Variants in LRCH1 observed in about 807,000 individuals in gnomAD.
LRCH1 encodes the protein leucine-rich repeat and calponin homology domain-containing protein 1.
A neutral mutation model predicts 94.9 loss-of-function variants in LRCH1; 23 were observed. That is an observed-to-expected ratio of 0.24 (90% CI 0.17 to 0.34). The LOEUF (loss-of-function observed/expected upper bound fraction) is 0.34, where lower values mean the gene tolerates loss of function less well. LRCH1 is among the 10% of genes least tolerant of loss of function. The pLI, the probability that LRCH1 is intolerant of heterozygous loss-of-function variation, is 1.00. For missense variants in LRCH1, 790 were observed against 945.9 expected, an observed-to-expected ratio of 0.84 and a Z score of 2.16; for synonymous variants, 364 against 354.9, an observed-to-expected ratio of 1.03 and a Z score of -0.29.
intron 1 of LRCH1, among the ~76,000 whole-genome samples, chr13:46,575,944 G>A (rs938288279): frequency 4.6e-5 from 7 of 152,190 alleles, no homozygotes; most frequent in African/African-American, 1.7e-4. Flanking sequence ...GGATTGGCAG[G>A]AGTGATATAA....
intron 2 of LRCH1, among the ~76,000 whole-genome samples, chr13:46,658,411 G>T (rs1437246532): frequency 1.3e-5 from 2 of 152,290 alleles, no homozygotes; most frequent in Non-Finnish European, 2.9e-5. Context: ...TGCAGTGGTT[G>T]TTAATCACTC....
intron 1 of LRCH1, among the ~76,000 whole-genome samples, chr13:46,560,708 T>A (rs1170102014): frequency 1.3e-5 from 2 of 152,156 alleles, no homozygotes; most frequent in African/African-American, 4.8e-5. Context: ...CCATGATATT[T>A]CAGAGAGTAA....
In LRCH1 at chr13:46,689,595, G is replaced by A. The variant is rs1035026520; in HGVS notation, c.1014+399G>A. ...TTTAGAAAAACATTGTTATACATATGCGTAAATGTTAAGGAATCAACTGTA... is the reference window on the plus strand; with the variant it reads ...TTTAGAAAAACATTGTTATACATATACGTAAATGTTAAGGAATCAACTGTA... On this transcript the variant is annotated intron_variant, in intron 7 of 19. Transcript: ENST00000389797. Among the ~76,000 whole-genome samples, 3 of 152,096 alleles carry A rather than the reference G, an allele frequency of 2.0e-5. No individual in the cohort carries two copies. In the East Asian group the frequency reaches 5.8e-4, roughly 29 times the overall value.
intron 16 of LRCH1, among the ~76,000 whole-genome samples, chr13:46,722,935 C>T (rs891431861): frequency 1.3e-5 from 2 of 152,234 alleles, no homozygotes; most frequent in African/African-American, 4.8e-5. Context: ...GGACATCTGT[C>T]AGGCAAGTGG....
intron 1 of LRCH1, among the ~76,000 whole-genome samples, chr13:46,583,658 A>G (rs982522652): frequency 6.6e-6 from 1 of 152,222 alleles, no homozygotes; most frequent in African/African-American, 2.4e-5. Context: ...CCTAGAGTAA[A>G]TGTTATCAAT....
At chr13:46,591,371 T>G (rs564736012) in intron 1 of LRCH1, among the ~76,000 whole-genome samples, 88 of 152,224 alleles carry the variant, frequency 5.8e-4, no homozygotes, top group Non-Finnish European at 1.1e-3. Flanking sequence ...TCTAATTTGT[T>G]GGAATGAAAA....
At chr13:46,707,488 C>T (rs1007251553) in intron 13 of LRCH1, among the ~76,000 whole-genome samples, 8 of 152,090 alleles carry the variant, frequency 5.3e-5, no homozygotes, top group East Asian at 1.9e-4. Flanking sequence ...TTTATTTTTT[C>T]GTTGCAACTA....
chr13:46,596,220 T>A (rs757963079), intron 1 of LRCH1, among the ~76,000 whole-genome samples: 1 of 152,208 alleles, frequency 6.6e-6, no homozygotes, highest in Non-Finnish European at 1.5e-5. Flanking sequence ...GATAAAGGGC[T>A]GGTGAATTTT....
At chr13:46,586,530 C>T (rs548083078) in intron 1 of LRCH1, among the ~76,000 whole-genome samples, 105 of 152,320 alleles carry the variant, frequency 6.9e-4, no homozygotes, top group African/African-American at 2.5e-3. Context: ...GATCCTCCCA[C>T]CTCAGCCTCC....
intron 2 of LRCH1, among the ~76,000 whole-genome samples, chr13:46,653,847 T>G (rs571278537): frequency 2.0e-4 from 31 of 151,822 alleles, no homozygotes; most frequent in Middle Eastern, 3.4e-3. Flanking sequence ...AGAAAGAAAA[T>G]AAAATAAAAA....
At chr13:46,565,095 A>G (rs1165819280) in intron 1 of LRCH1, among the ~76,000 whole-genome samples, 7 of 152,220 alleles carry the variant, frequency 4.6e-5, no homozygotes, top group Non-Finnish European at 7.3e-5. Flanking sequence ...GGGGATAATA[A>G]TTATAGAATT....
intron 19 of LRCH1, among the ~76,000 whole-genome samples, chr13:46,734,322 T>G (rs1274104831): frequency 6.6e-6 from 1 of 152,234 alleles, no homozygotes; most frequent in Non-Finnish European, 1.5e-5. Context: ...GTGAATCTTC[T>G]CTTAGGCTTC....
intron 1 of LRCH1, among the ~76,000 whole-genome samples, chr13:46,597,083 T>C (rs956375376): frequency 1.3e-5 from 2 of 152,208 alleles, no homozygotes; most frequent in Admixed American, 1.3e-4. Flanking sequence ...TGCTAAAATG[T>C]ATTTGTAAGC....
At chr13:46,588,533 T>C (rs2050459322) in intron 1 of LRCH1, among the ~76,000 whole-genome samples, 1 of 152,128 alleles carries the variant, frequency 6.6e-6, no homozygotes, top group Non-Finnish European at 1.5e-5. Flanking sequence ...ATAGCACATC[T>C]GTATATCTAC....
At chr13:46,554,329 G>A (rs1236135108) in intron 1 of LRCH1, among the ~76,000 whole-genome samples, 1 of 152,236 alleles carries the variant, frequency 6.6e-6, no homozygotes, top group African/African-American at 2.4e-5. Flanking sequence ...CGCTTGTGCG[G>A]GAAAAGAGCC....
chr13:46,619,836 C>T lies in LRCH1; in HGVS notation c.308-30365C>T, dbSNP rs577918020. On this transcript the variant is annotated intron_variant, in intron 1 of 19. Transcript: ENST00000389797. ...GAATTGTAGCTAAAATAGCTCCTTA[C>T]GTTGAAGCATTTCCTCAATTCTATA... Among the ~76,000 whole-genome samples, 16 of 152,268 alleles carry T rather than the reference C, an allele frequency of 1.1e-4. No homozygotes were observed. In the South Asian group the frequency reaches 2.1e-3, roughly 20 times the overall value.
chr13:46,601,630 C>A (rs1274182089), intron 1 of LRCH1, among the ~76,000 whole-genome samples: 1 of 152,168 alleles, frequency 6.6e-6, no homozygotes, highest in Non-Finnish European at 1.5e-5. Flanking sequence ...TGAAGTATCA[C>A]AAAACCCTAA....
At chr13:46,587,372 T>C (rs1183357129) in intron 1 of LRCH1, among the ~76,000 whole-genome samples, 1 of 152,172 alleles carries the variant, frequency 6.6e-6, no homozygotes, top group Non-Finnish European at 1.5e-5. Flanking sequence ...AAGTGACAAA[T>C]GTTGAGGCCT....
intron 1 of LRCH1, among the ~76,000 whole-genome samples, chr13:46,619,025 A>T (rs2050845623): frequency 6.6e-6 from 1 of 151,892 alleles, no homozygotes; most frequent in South Asian, 2.1e-4. Context: ...ACTTCAGACT[A>T]ACTTCACATC....
Sources: gnomAD v4.1 joint callset for allele counts (sites outside exome capture counted in the v4.1 genomes callset) on GRCh38, gnomAD v4.1.1 for gene constraint, MANE v1.5 for transcripts, NCBI Gene and HGNC (gene_info 2026-07-23, HGNC 2026-07-21) for gene names.